Variants in TBL1XR1 observed in about 807,000 individuals in gnomAD.
The protein encoded by TBL1XR1 is TBL1X/Y related 1.
In TBL1XR1, 5 loss-of-function variants were observed where a neutral mutation model predicts 66.9. The observed-to-expected ratio is 0.07, with a 90% CI of 0.04 to 0.16. The LOEUF is 0.16. Ranked by LOEUF, TBL1XR1 falls within the 10% of genes least tolerant of loss-of-function variation. The probability of loss-of-function intolerance (pLI) is 1.00; values close to 1 mark genes in which losing one functional copy is unlikely to be tolerated. For synonymous variants in TBL1XR1, 210 were observed against 206.0 expected (o/e 1.02, Z -0.17); for missense variants, 238 against 623.2 (o/e 0.38, Z 6.58).
At chr3:177,065,885 A>G (rs1457925411) in intron 2 of TBL1XR1, among the ~76,000 whole-genome samples, 3 of 152,250 alleles carry the variant, frequency 2.0e-5, no homozygotes, top group Non-Finnish European at 2.9e-5. Context: ...ACTTATGGAC[A>G]CTGAAATTTG....
chr3:177,189,649 C>T (rs1269070775), intron 1 of TBL1XR1, among the ~76,000 whole-genome samples: 5 of 45,278 alleles, frequency 1.1e-4, no homozygotes, highest in Non-Finnish European at 2.7e-4. Context: ...GACTCCATCT[C>T]AAAAAAAAAA....
At chr3:177,049,673 C>T (rs1348660737) in intron 7 of TBL1XR1, among the ~76,000 whole-genome samples, 1 of 152,118 alleles carries the variant, frequency 6.6e-6, no homozygotes, top group Non-Finnish European at 1.5e-5. Context: ...AGAATTTTCA[C>T]CTATTATCTC....
intron 1 of TBL1XR1, among the ~76,000 whole-genome samples, chr3:177,145,162 G>A (rs940219212): frequency 6.6e-6 from 1 of 152,022 alleles, no homozygotes. Context: ...CCCTAAAACC[G>A]TAACATAAAG....
chr3:177,076,137 G>C (rs1266148748), intron 2 of TBL1XR1, among the ~76,000 whole-genome samples: 2 of 152,110 alleles, frequency 1.3e-5, no homozygotes, highest in African/African-American at 4.8e-5. Context: ...TACTGTTTAA[G>C]GAGCCTGGGG....
At chr3:177,160,216 T>A (rs1321844983) in intron 1 of TBL1XR1, among the ~76,000 whole-genome samples, 1 of 152,136 alleles carries the variant, frequency 6.6e-6, no homozygotes, top group Non-Finnish European at 1.5e-5. Flanking sequence ...CTCAGTCCTG[T>A]AATCCCAGCA....
At chr3:177,178,958 A>C (rs1474359019) in intron 1 of TBL1XR1, among the ~76,000 whole-genome samples, 1 of 152,040 alleles carries the variant, frequency 6.6e-6, no homozygotes, top group East Asian at 1.9e-4. Flanking sequence ...TTCTACTAAA[A>C]ATACAAAAAT....
chr3:177,030,366 A>T (rs910751164), intron 14 of TBL1XR1, among the ~76,000 whole-genome samples: 2 of 152,028 alleles, frequency 1.3e-5, no homozygotes, highest in African/African-American at 4.8e-5. Context: ...TTCTAGAGGT[A>T]CAAGTATTAA....
chr3:177,096,498 C>T (rs1006627175), intron 2 of TBL1XR1, among the ~76,000 whole-genome samples: 5 of 152,116 alleles, frequency 3.3e-5, no homozygotes, highest in Non-Finnish European at 5.9e-5. Flanking sequence ...AAATTTTTCA[C>T]TTAAGGATAG....
At chr3:177,100,301 T>A (rs1455366216) in intron 1 of TBL1XR1, among the ~76,000 whole-genome samples, 1 of 152,246 alleles carries the variant, frequency 6.6e-6, no homozygotes, top group East Asian at 1.9e-4. Context: ...TACAGTGCTA[T>A]AATATTTTTG....
chr3:177,031,409 A>G (rs1285331802), intron 14 of TBL1XR1, among the ~76,000 whole-genome samples: 1 of 150,710 alleles, frequency 6.6e-6, no homozygotes, highest in Non-Finnish European at 1.5e-5. Context: ...ATCTTGGCTC[A>G]CTACAACCTC....
chr3:177,152,642 C>A (rs1731035782), intron 1 of TBL1XR1, among the ~76,000 whole-genome samples: 1 of 152,162 alleles, frequency 6.6e-6, no homozygotes, highest in African/African-American at 2.4e-5. Flanking sequence ...TGTATTTCCT[C>A]ACTATTCAAG....
intron 1 of TBL1XR1, among the ~76,000 whole-genome samples, chr3:177,149,003 C>CAA (rs202218949): frequency 3.1e-5 from 3 of 98,160 alleles, no homozygotes; most frequent in South Asian, 3.0e-4. Context: ...AAAACTCCCT[C>CAA]AAAAAAAAAG....
At position 177,133,876 on chromosome 3, in the gene TBL1XR1, C is replaced by CAAAAAAA. The variant is rs541940840; in HGVS notation, c.-121-35342_-121-35336dup. On this transcript the variant is annotated intron_variant, in intron 1 of 15. Transcript: ENST00000457928. ...GGGCGAAAGAGTGAGACTCCTATCT[C>CAAAAAAA]AAAAAAAAAAAAAAAAAAAGTAACA... Among the ~76,000 whole-genome samples the CAAAAAAA allele has an allele frequency of 5.3e-3, 563 of 105,694 alleles. 22 individuals are homozygous for CAAAAAAA. The highest frequency in any genetic ancestry group is 0.013 in the African/African-American group (359 of 27,756). The allele number at this position is 105,694 out of a possible 152,430, so 69.3% of individuals were successfully genotyped here.
At chr3:177,140,121 T>G (rs1247611536) in intron 1 of TBL1XR1, among the ~76,000 whole-genome samples, 1 of 152,056 alleles carries the variant, frequency 6.6e-6, no homozygotes, top group African/African-American at 2.4e-5. Context: ...GCCAATATGA[T>G]GAAACCACGT....
rs144024772 is a variant in TBL1XR1 at position 177,124,055 on chromosome 3, GTTAC to G, written c.-121-25518_-121-25515del. Among the ~76,000 whole-genome samples, 29 of 152,076 alleles carry G rather than the reference GTTAC, an allele frequency of 1.9e-4. No individual in the cohort carries two copies. The East Asian group carries it at 2.5e-3, about 13-fold the overall frequency. ...GTGTCTCTCATTCTCACTCTTCACTGTTACTTAAAGAACAAAGAACTAAAGAAGC... is the reference window on the plus strand; with the variant it reads ...GTGTCTCTCATTCTCACTCTTCACTGTTAAAGAACAAAGAACTAAAGAAGC... On this transcript the variant is annotated intron_variant, in intron 1 of 15. Coordinates refer to ENST00000457928, the MANE Select transcript of TBL1XR1 (RefSeq NM_024665.7).
chr3:177,038,489 G>A (rs907877561), intron 10 of TBL1XR1, 55 bp from the exon 11 acceptor site: 4 of 1,419,362 alleles, frequency 2.8e-6, no homozygotes, highest in South Asian at 1.7e-5. Flanking sequence ...TAAAATCCAA[G>A]AGTTTTAGCT....
chr3:177,102,471 CG>C (rs1240103669), intron 1 of TBL1XR1, among the ~76,000 whole-genome samples: 1 of 151,970 alleles, frequency 6.6e-6, no homozygotes, highest in East Asian at 1.9e-4. Flanking sequence ...AAGCACACCA[CG>C]TAATTAAAAT....
intron 1 of TBL1XR1, among the ~76,000 whole-genome samples, chr3:177,105,976 G>A (rs1724832837): frequency 6.6e-6 from 1 of 150,742 alleles, no homozygotes; most frequent in African/African-American, 2.4e-5. Flanking sequence ...GGAGAAATAT[G>A]TTAATACTAC....
At chr3:177,121,640 T>G (rs1461409223) in intron 1 of TBL1XR1, among the ~76,000 whole-genome samples, 1 of 152,188 alleles carries the variant, frequency 6.6e-6, no homozygotes, top group Non-Finnish European at 1.5e-5. Context: ...GTAATTAACA[T>G]AAATTTTGTA....
Sources: allele counts gnomAD v4.1 joint callset (sites outside exome capture counted in the v4.1 genomes callset), GRCh38; gene constraint gnomAD v4.1.1; transcripts MANE v1.5; gene names NCBI Gene and HGNC (gene_info 2026-07-23, HGNC 2026-07-21).